Variants in FBXO22 observed in about 807,000 individuals in gnomAD.
The protein encoded by FBXO22 is F-box only protein 22.
FBXO22 carries 13 observed loss-of-function variants against 37.2 expected under a neutral mutation model. That is an observed-to-expected ratio of 0.35 (90% CI 0.23 to 0.56). FBXO22 has a LOEUF of 0.56. Among genes scored for constraint, FBXO22 ranks in the 20% least tolerant of loss-of-function variants. FBXO22 has a pLI of 0.87. For synonymous variants in FBXO22, 189 were observed against 189.1 expected, an observed-to-expected ratio of 1.00 and a Z score of 0.00; for missense variants, 446 against 509.9, an observed-to-expected ratio of 0.87 and a Z score of 1.21.
At chr15:75,905,638 C>G (rs1415351421) in intron 2 of FBXO22, 1 of 152,212 alleles carries the variant, frequency 6.6e-6, no homozygotes, top group African/African-American at 2.4e-5. Flanking sequence ...AGATCTGTTC[C>G]CAATTGCAAT....
intron 2 of FBXO22, among the ~76,000 whole-genome samples, chr15:75,907,346 A>G (rs1595910259): frequency 6.6e-6 from 1 of 152,392 alleles, no homozygotes; most frequent in East Asian, 1.9e-4. Context: ...TATAAACATT[A>G]CTTACAATAC....
intron 2 of FBXO22, among the ~76,000 whole-genome samples, chr15:75,909,898 T>TA (rs1022191372): frequency 3.0e-4 from 45 of 152,222 alleles, no homozygotes; most frequent in African/African-American, 1.0e-3. Flanking sequence ...GTATTTCTCC[T>TA]AATGCTATCC....
At chr15:75,923,459 T>A (rs1052382424) in intron 5 of FBXO22, among the ~76,000 whole-genome samples, 2 of 152,206 alleles carry the variant, frequency 1.3e-5, no homozygotes, top group Non-Finnish European at 2.9e-5. Context: ...ACTTGCTATC[T>A]TGTGTCCTAA....
chr15:75,915,454 T>G (rs1900159918), intron 4 of FBXO22, among the ~76,000 whole-genome samples: 1 of 152,146 alleles, frequency 6.6e-6, no homozygotes, highest in Non-Finnish European at 1.5e-5. Flanking sequence ...GGCTTAACAT[T>G]TTTTTAAAAA....
intron 2 of FBXO22, among the ~76,000 whole-genome samples, chr15:75,912,200 C>T (rs560004898): frequency 4.6e-5 from 7 of 151,916 alleles, no homozygotes; most frequent in Admixed American, 1.3e-4. Context: ...ATTTTCATAT[C>T]GATATTCAGG....
intron 5 of FBXO22, among the ~76,000 whole-genome samples, chr15:75,929,514 GTT>G (rs35139316): frequency 7.0e-6 from 1 of 142,596 alleles, no homozygotes. Flanking sequence ...GTAAACCAGT[GTT>G]TTTTTTTTTT....
In FBXO22 at chr15:75,934,955, A is replaced by G. The variant is rs138543078; in HGVS notation, c.*1853A>G. 2 of 152,356 alleles carry G rather than the reference A, an allele frequency of 1.3e-5. No individual in the cohort carries two copies. The highest frequency in any genetic ancestry group is 4.8e-5 in the African/African-American group (2 of 41,580). The allele number at this position is 152,356 out of a possible 1,614,324, so 9.4% of individuals were successfully genotyped here. ...CTTCTCAAAGAGTCTGATACAGGGT[A>G]ATTTCATACAATATTTGATGTTGTT... On this transcript the variant is annotated 3_prime_UTR_variant, in exon 7 of 7. Transcript: ENST00000308275.
chr15:75,935,165 A>G lies in FBXO22; in HGVS notation c.*2063A>G, dbSNP rs781235403. Reference sequence around the variant, plus strand: ...TCAGAGGCCCTGAAGTCCTGTGAGGAAGGGAAATAGTAATTTAACCAAAGT... The same window carrying G: ...TCAGAGGCCCTGAAGTCCTGTGAGGGAGGGAAATAGTAATTTAACCAAAGT... On this transcript the variant is annotated 3_prime_UTR_variant, in exon 7 of 7. Transcript: ENST00000308275. 2 of 152,200 alleles carry G rather than the reference A, an allele frequency of 1.3e-5. No homozygotes were observed. Among genetic ancestry groups the G allele is most frequent in the Non-Finnish European group, 2.9e-5 (2 of 68,026 alleles). 9.4% of individuals were successfully genotyped at this position (152,200 alleles called of 1,614,324 possible).
chr15:75,922,130 C>T (rs1900340470), intron 5 of FBXO22, among the ~76,000 whole-genome samples: 1 of 152,134 alleles, frequency 6.6e-6, no homozygotes, highest in African/African-American at 2.4e-5. Context: ...ATGTGCTATA[C>T]TTTTATACGA....
chr15:75,933,746 A>G lies in FBXO22; in HGVS notation c.*644A>G. On this transcript the variant is annotated 3_prime_UTR_variant, in exon 7 of 7. Coordinates refer to ENST00000308275, the MANE Select transcript of FBXO22 (RefSeq NM_147188.3). The stretch of plus-strand genomic sequence containing the variant: ...AAATATTTTTTTTTCACCTAGGTCT[A>G]AATAGCTAACTAACTGGTAGACCAG... The G allele has an allele frequency of 3.1e-6, 1 of 319,108 alleles. No homozygotes were observed. Among genetic ancestry groups the G allele is most frequent in the Non-Finnish European group, 6.0e-6 (1 of 165,386 alleles). The allele number at this position is 319,108 out of a possible 1,614,324, so 19.8% of individuals were successfully genotyped here.
Position 75,940,855 on chromosome 15 carries a change from G to A in FBXO22, c.*7753G>A, listed in dbSNP as rs1042466471. The A allele has an allele frequency of 1.3e-5, 2 of 152,096 alleles. No homozygotes were observed. Among genetic ancestry groups the A allele is most frequent in the Non-Finnish European group, 2.9e-5 (2 of 67,988 alleles). The allele number at this position is 152,096 out of a possible 1,614,324, so 9.4% of individuals were successfully genotyped here. On this transcript the variant is annotated 3_prime_UTR_variant, in exon 7 of 7. Coordinates refer to ENST00000308275, the MANE Select transcript of FBXO22 (RefSeq NM_147188.3). ...AAATGGACCAAAGACCTAAATGTGA[G>A]AGCTAAAACCATAAAACTCTTAGGA...
In FBXO22 at chr15:75,934,997, T is replaced by C. The variant is rs897213782; in HGVS notation, c.*1895T>C. On this transcript the variant is annotated 3_prime_UTR_variant, in exon 7 of 7. Coordinates refer to ENST00000308275, the MANE Select transcript of FBXO22 (RefSeq NM_147188.3). ...GATGTTGTTAAAGCATTCCTTTTTA[T>C]AGCTGAGCCTTTGGAGCTTGTTATG... 1 of 152,248 alleles carries C rather than the reference T, an allele frequency of 6.6e-6. No homozygotes were observed. Among genetic ancestry groups the C allele is most frequent in the Non-Finnish European group, 1.5e-5 (1 of 68,046 alleles). 9.4% of individuals were successfully genotyped at this position (152,248 alleles called of 1,614,324 possible).
In FBXO22 at chr15:75,933,107, T is replaced by A. The variant is rs1300517035; in HGVS notation, c.*5T>A. On this transcript the variant is annotated 3_prime_UTR_variant, in exon 7 of 7. Transcript: ENST00000308275. ...CATCTGGGGTCATCTAAATAATAAT[T>A]AAAGTGGCTTTCATAATATGTAACT... 1.9e-6 allele frequency: 3 copies of A among 1,582,304 alleles called. No homozygotes were observed. Among genetic ancestry groups the A allele is most frequent in the Non-Finnish European group, 2.6e-6 (3 of 1,166,008 alleles).
At chr15:75,942,511 ATG>A (rs2031101104), downstream of FBXO22, 1 of 152,188 alleles carries the variant, frequency 6.6e-6, no homozygotes, top group Non-Finnish European at 1.5e-5. Flanking sequence ...TATTAAAATT[ATG>A]TGAGAGCTTT....
intron 5 of FBXO22, among the ~76,000 whole-genome samples, chr15:75,924,923 A>G (rs1437343621): frequency 1.3e-5 from 2 of 152,118 alleles, no homozygotes; most frequent in Non-Finnish European, 2.9e-5. Context: ...TGAAGCACAA[A>G]CCTGTAACAT....
chr15:75,938,373 C>G lies in FBXO22; in HGVS notation c.*5271C>G, dbSNP rs1209652787. 1 of 152,088 alleles carries G rather than the reference C, an allele frequency of 6.6e-6. No homozygotes were observed. Among genetic ancestry groups the G allele is most frequent in the Non-Finnish European group, 1.5e-5 (1 of 68,022 alleles). The allele number at this position is 152,088 out of a possible 1,614,324, so 9.4% of individuals were successfully genotyped here. The stretch of plus-strand genomic sequence containing the variant: ...ATATTATAATAGTGAATATCCAACT[C>G]TCAAGGAAAAAAATCACAAACCATA... On this transcript the variant is annotated 3_prime_UTR_variant, in exon 7 of 7. Coordinates refer to ENST00000308275, the MANE Select transcript of FBXO22 (RefSeq NM_147188.3).
intron 5 of FBXO22, among the ~76,000 whole-genome samples, chr15:75,927,679 A>T (rs1406369681): frequency 6.6e-6 from 1 of 152,218 alleles, no homozygotes; most frequent in East Asian, 1.9e-4. Flanking sequence ...GGGGTATATG[A>T]TGTCATGAAA....
intron 5 of FBXO22, among the ~76,000 whole-genome samples, chr15:75,921,416 G>C (rs1035432646): frequency 6.6e-6 from 1 of 152,146 alleles, no homozygotes; most frequent in African/African-American, 2.4e-5. Flanking sequence ...AATCCCAGCA[G>C]TTTGGGAGGT....
In FBXO22 at chr15:75,903,884, C is replaced by G. The variant is rs1354672926; in HGVS notation, c.-80C>G. 7.2e-7 allele frequency: 1 copy of G among 1,393,380 alleles called. No homozygotes were observed. The highest frequency in any genetic ancestry group is 9.3e-7 in the Non-Finnish European group (1 of 1,071,824). The allele number at this position is 1,393,380 out of a possible 1,614,324, so 86.3% of individuals were successfully genotyped here. A position where few individuals can be genotyped will look rare whatever the true frequency, so the allele number is the denominator to read the frequency against. On this transcript the variant is annotated 5_prime_UTR_variant, in exon 1 of 7. Coordinates refer to ENST00000308275, the MANE Select transcript of FBXO22 (RefSeq NM_147188.3). ...GTGGCGCGGACGCCTGCTCAGTGCG[C>G]GCCGGCCGGGCAACCCTATGCTGGC...
Sources: gnomAD v4.1 joint callset for allele counts (sites outside exome capture counted in the v4.1 genomes callset) on GRCh38, gnomAD v4.1.1 for gene constraint, MANE v1.5 for transcripts, NCBI Gene and HGNC (gene_info 2026-07-23, HGNC 2026-07-21) for gene names.